Variants in SLC38A9 observed in about 807,000 individuals in gnomAD.
SLC38A9 encodes the protein solute carrier family 38 member 9, also known as neutral amino acid transporter 9.
Under a neutral mutation model 62.3 loss-of-function variants are expected in SLC38A9, and 48 were observed. The observed-to-expected ratio is 0.77, with a 90% CI of 0.61 to 0.98. The LOEUF is 0.98. SLC38A9 is among the 50% of genes least tolerant of loss of function. The probability of loss-of-function intolerance (pLI) is 0.00; values close to 1 mark genes in which losing one functional copy is unlikely to be tolerated. For missense variants in SLC38A9, 541 were observed against 679.8 expected (o/e 0.80, Z 2.27); for synonymous variants, 204 against 227.7 (o/e 0.90, Z 0.94).
chr5:55,628,430 G>A (rs930020078), intron 14 of SLC38A9, among the ~76,000 whole-genome samples: 1 of 151,906 alleles, frequency 6.6e-6, no homozygotes, highest in African/African-American at 2.4e-5. Flanking sequence ...ATACTATCTA[G>A]GCAATTCAGA....
chr5:55,652,357 C>CAAAAAAAAAAAA (rs60557392), intron 10 of SLC38A9, among the ~76,000 whole-genome samples, 172 bp downstream of exon 10: 4 of 56,160 alleles, frequency 7.1e-5, no homozygotes, highest in East Asian at 5.7e-4. Context: ...AACTCCGTCT[C>CAAAAAAAAAAAA]AAAAAAAAAA....
intron 3 of SLC38A9, among the ~76,000 whole-genome samples, chr5:55,690,681 T>G (rs1382189543): frequency 1.3e-5 from 2 of 152,190 alleles, no homozygotes; most frequent in African/African-American, 2.4e-5. Flanking sequence ...TTCCAATCAC[T>G]GTCACTGGGC....
intron 11 of SLC38A9, among the ~76,000 whole-genome samples, chr5:55,646,909 C>A (rs546015582): frequency 2.6e-5 from 4 of 152,226 alleles, no homozygotes; most frequent in Admixed American, 6.5e-5. Context: ...TGCCACCACA[C>A]CCAGCTAAGT....
intron 3 of SLC38A9, among the ~76,000 whole-genome samples, chr5:55,677,221 T>TA (rs1752224670): frequency 6.6e-6 from 1 of 152,050 alleles, no homozygotes; most frequent in Non-Finnish European, 1.5e-5. Context: ...TCAACATACT[T>TA]CAAATGTGGA....
chr5:55,635,409 T>C lies in SLC38A9; in HGVS notation c.1281+135A>G, dbSNP rs567613259. On this transcript the variant is annotated intron_variant, in intron 13 of 15. Coordinates refer to ENST00000396865, the MANE Select transcript of SLC38A9 (RefSeq NM_173514.4). ...AAAAGGGAAGGTGCCTAAATTCCCA[T>C]ACTTGGAGTAGATAGCAGAGATGGT... 1.3e-4 allele frequency: 94 copies of C among 714,246 alleles called. 1 individual carries two copies. Among genetic ancestry groups the C allele is most frequent in the Admixed American group, 9.4e-4 (45 of 47,924 alleles). The allele number at this position is 714,246 out of a possible 1,614,324, so 44.2% of individuals were successfully genotyped here. A position where few individuals can be genotyped will look rare whatever the true frequency, so the allele number is the denominator to read the frequency against.
intron 9 of SLC38A9, among the ~76,000 whole-genome samples, chr5:55,654,236 T>G (rs1748018850): frequency 6.6e-6 from 1 of 152,232 alleles, no homozygotes; most frequent in Admixed American, 6.5e-5. Context: ...TAATTTTCTT[T>G]CTCCTTCTTA....
chr5:55,697,771 T>G, intron 3 of SLC38A9, 75 bp downstream of exon 3: 2 of 688,272 alleles, frequency 2.9e-6, no homozygotes, highest in East Asian at 2.9e-5. Context: ...AATCTATACA[T>G]GTTTGGTTAT....
chr5:55,634,018 G>T, intron 13 of SLC38A9, 116 bp from the exon 14 acceptor site: 2 of 689,360 alleles, frequency 2.9e-6, no homozygotes, highest in Non-Finnish European at 2.3e-6. Context: ...TGTGGTTTGT[G>T]GACTAGTGCC....
intron 4 of SLC38A9, among the ~76,000 whole-genome samples, chr5:55,671,162 G>A (rs766833505): frequency 1.3e-5 from 2 of 150,408 alleles, no homozygotes; most frequent in Non-Finnish European, 3.0e-5. Flanking sequence ...TCTCATATGC[G>A]GTAGTTTTTA....
intron 14 of SLC38A9, among the ~76,000 whole-genome samples, chr5:55,633,043 G>A (rs1743771696): frequency 6.7e-6 from 1 of 150,336 alleles, no homozygotes; most frequent in Non-Finnish European, 1.5e-5. Context: ...GGGTCTCACT[G>A]TATCACCCAG....
intron 2 of SLC38A9, among the ~76,000 whole-genome samples, chr5:55,699,153 G>A (rs1756315141): frequency 6.6e-6 from 1 of 152,096 alleles, no homozygotes; most frequent in East Asian, 1.9e-4. Flanking sequence ...TACTTGAAAG[G>A]CTGAGGTAGG....
Position 55,697,877 on chromosome 5 carries a change from G to T in SLC38A9, c.82C>A (p.Gln28Lys). 2 of 1,592,436 alleles carry T rather than the reference G, an allele frequency of 1.3e-6. No individual in the cohort carries two copies. Among genetic ancestry groups the T allele is most frequent in the South Asian group, 1.2e-5 (1 of 86,028 alleles). The change falls in exon 3 of 16, where the codon CAG (glutamine) becomes AAG (lysine). Residue 28 changes from glutamine (Q) to lysine (K), a missense_variant. Transcript: ENST00000396865. ...HERDPGPMNI[Q>K]FEPSDLRSKR... ...GATCTTAGATCCGATGGCTCAAACTGGATATTCATAGGTCCAGGATCTCTT... is the reference window on the plus strand; with the variant it reads ...GATCTTAGATCCGATGGCTCAAACTTGATATTCATAGGTCCAGGATCTCTT...
chr5:55,683,818 T>C (rs1753380316), intron 3 of SLC38A9, among the ~76,000 whole-genome samples: 1 of 152,220 alleles, frequency 6.6e-6, no homozygotes, highest in Admixed American at 6.5e-5. Flanking sequence ...CTGGGTTTCT[T>C]TGGAGCTCTT....
intron 2 of SLC38A9, among the ~76,000 whole-genome samples, chr5:55,708,534 C>T (rs535949384): frequency 6.6e-6 from 1 of 152,334 alleles, no homozygotes; most frequent in African/African-American, 2.4e-5. Context: ...TCTATAGAAT[C>T]TATGCCAAGA....
At chr5:55,657,525 T>C (rs1162868962) in intron 8 of SLC38A9, among the ~76,000 whole-genome samples, 1 of 151,354 alleles carries the variant, frequency 6.6e-6, no homozygotes, top group Non-Finnish European at 1.5e-5. Context: ...ATACATACTT[T>C]TATAGATCTA....
chr5:55,702,910 T>A (rs1756845584), intron 2 of SLC38A9: 1 of 151,878 alleles, frequency 6.6e-6, no homozygotes, highest in Non-Finnish European at 1.5e-5. Context: ...GACAAACAAA[T>A]AAAGTTAAAT....
At chr5:55,649,406 G>A in intron 10 of SLC38A9, 92 bp from the exon 11 acceptor site, 1 of 739,732 alleles carries the variant, frequency 1.4e-6, no homozygotes, top group Non-Finnish European at 2.1e-6. Flanking sequence ...TCTCAGCAAA[G>A]TGTGGGAAAC....
chr5:55,677,926 T>TGTG (rs1554062822), intron 3 of SLC38A9, among the ~76,000 whole-genome samples: 2,258 of 112,180 alleles, frequency 0.02, 99 homozygotes, highest in African/African-American at 0.063. Context: ...TTTTTCTTTA[T>TGTG]TGTGTGTGTG....
At chr5:55,630,432 C>G (rs1451828935) in intron 14 of SLC38A9, among the ~76,000 whole-genome samples, 7 of 152,032 alleles carry the variant, frequency 4.6e-5, no homozygotes, top group Non-Finnish European at 8.8e-5. Flanking sequence ...ATTCTCCTAC[C>G]TCAGCCTCCC....
Sources: allele counts gnomAD v4.1 joint callset (sites outside exome capture counted in the v4.1 genomes callset), GRCh38; gene constraint gnomAD v4.1.1; transcripts MANE v1.5; gene names NCBI Gene and HGNC (gene_info 2026-07-23, HGNC 2026-07-21).